Variants in ETV6 observed in about 807,000 individuals in gnomAD.
ETV6 encodes the protein transcription factor ETV6.
ETV6 carries 16 observed loss-of-function variants against 51.1 expected under a neutral mutation model. That is an observed-to-expected ratio of 0.31 (90% confidence interval 0.21 to 0.48). The LOEUF is 0.48. ETV6 is among the 20% of genes least tolerant of loss of function. The pLI is 0.99. For missense variants in ETV6, 458 were observed against 594.8 expected (o/e 0.77, Z 2.39); for synonymous variants, 240 against 224.1 (o/e 1.07, Z -0.64).
At chr12:11,725,412 CT>C (rs1555119204) in intron 1 of ETV6, among the ~76,000 whole-genome samples, 2 of 152,106 alleles carry the variant, frequency 1.3e-5, no homozygotes, top group Non-Finnish European at 2.9e-5. Context: ...TTGGAGTTCC[CT>C]TTTTAACCTG....
chr12:11,780,871 G>A (rs1160008805), intron 2 of ETV6, among the ~76,000 whole-genome samples: 1 of 152,212 alleles, frequency 6.6e-6, no homozygotes, highest in Non-Finnish European at 1.5e-5. Context: ...GTTTCATCTT[G>A]TTCTTACGTC....
chr12:11,883,675 C>A (rs1162243787), intron 5 of ETV6, among the ~76,000 whole-genome samples: 2 of 152,184 alleles, frequency 1.3e-5, no homozygotes, highest in Admixed American at 1.3e-4. Flanking sequence ...AATCACCTAA[C>A]ACTTAATAAA....
At chr12:11,735,198 C>T (rs1033610410) in intron 1 of ETV6, among the ~76,000 whole-genome samples, 1 of 151,644 alleles carries the variant, frequency 6.6e-6, no homozygotes. Context: ...CCACCCACCC[C>T]ACTATACGTG....
At chr12:11,789,722 T>A in intron 2 of ETV6, among the ~76,000 whole-genome samples, 1 of 152,228 alleles carries the variant, frequency 6.6e-6, no homozygotes, top group East Asian at 1.9e-4. Context: ...TGGGGTAATT[T>A]TCCCCCAGAA....
chr12:11,781,708 TA>T (rs1945416942), intron 2 of ETV6, among the ~76,000 whole-genome samples: 2 of 152,238 alleles, frequency 1.3e-5, no homozygotes, highest in South Asian at 4.1e-4. Flanking sequence ...GTGGATTTTT[TA>T]AACTTAAAAT....
intron 5 of ETV6, among the ~76,000 whole-genome samples, chr12:11,871,574 C>T (rs1345748543): frequency 6.6e-6 from 1 of 152,178 alleles, no homozygotes; most frequent in African/African-American, 2.4e-5. Flanking sequence ...CTCAGTTTCA[C>T]TGTTATAAAT....
chr12:11,733,806 A>G (rs959117512), intron 1 of ETV6, among the ~76,000 whole-genome samples: 2 of 152,210 alleles, frequency 1.3e-5, no homozygotes, highest in African/African-American at 4.8e-5. Context: ...TGAAGAGTTT[A>G]CTTGTAAATC....
At chr12:11,827,041 A>G (rs924788818) in intron 2 of ETV6, among the ~76,000 whole-genome samples, 1 of 151,470 alleles carries the variant, frequency 6.6e-6, no homozygotes, top group South Asian at 2.1e-4. Context: ...TAAGGGGATG[A>G]GATAGAATAG....
chr12:11,685,119 G>A (rs1864602883), intron 1 of ETV6, among the ~76,000 whole-genome samples: 1 of 152,146 alleles, frequency 6.6e-6, no homozygotes, highest in African/African-American at 2.4e-5. Flanking sequence ...AGCTTGATGG[G>A]CCTGCGGAGT....
At chr12:11,881,328 T>C (rs1451733151) in intron 5 of ETV6, among the ~76,000 whole-genome samples, 1 of 152,236 alleles carries the variant, frequency 6.6e-6, no homozygotes, top group Non-Finnish European at 1.5e-5. Flanking sequence ...TTAAAATGTG[T>C]CTGCCATTTG....
intron 1 of ETV6, among the ~76,000 whole-genome samples, chr12:11,694,097 T>C (rs374654311): frequency 6.6e-6 from 1 of 152,146 alleles, no homozygotes; most frequent in East Asian, 1.9e-4. Context: ...CATAACAGGG[T>C]ATTATATGTT....
At chr12:11,666,679 C>G (rs529707728) in intron 1 of ETV6, among the ~76,000 whole-genome samples, 2 of 152,344 alleles carry the variant, frequency 1.3e-5, no homozygotes, top group East Asian at 3.9e-4. Context: ...CATTGAGGTA[C>G]AGCTGGGATT....
chr12:11,812,358 C>A (rs1377145182), intron 2 of ETV6, among the ~76,000 whole-genome samples: 3 of 152,190 alleles, frequency 2.0e-5, no homozygotes, highest in Non-Finnish European at 2.9e-5. Context: ...TGCCAGTTTC[C>A]TCACAGGTTC....
intron 1 of ETV6, among the ~76,000 whole-genome samples, chr12:11,717,526 A>G (rs1004300628): frequency 6.6e-6 from 1 of 152,182 alleles, no homozygotes; most frequent in Non-Finnish European, 1.5e-5. Flanking sequence ...GCTATGGGGC[A>G]TGTATACATG....
intron 1 of ETV6, among the ~76,000 whole-genome samples, chr12:11,732,296 C>G (rs997849706): frequency 3.3e-5 from 5 of 152,090 alleles, no homozygotes; most frequent in Non-Finnish European, 7.4e-5. Context: ...AAAACGAAAA[C>G]AAGAACTGCT....
intron 1 of ETV6, among the ~76,000 whole-genome samples, chr12:11,735,205 C>T (rs764456299): frequency 7.6e-5 from 11 of 145,606 alleles, no homozygotes; most frequent in East Asian, 2.2e-4. Flanking sequence ...CCCCACTATA[C>T]GTGTCTGTAG....
At chr12:11,808,416 G>A in intron 2 of ETV6, among the ~76,000 whole-genome samples, 1 of 148,336 alleles carries the variant, frequency 6.7e-6, no homozygotes. Context: ...TCCAGCCACA[G>A]ATAGAAAATA....
chr12:11,810,352 C>T (rs1945895889), intron 2 of ETV6, among the ~76,000 whole-genome samples: 1 of 152,128 alleles, frequency 6.6e-6, no homozygotes, highest in African/African-American at 2.4e-5. Context: ...AAAAGCACTT[C>T]CTTATTTCAG....
intron 2 of ETV6, among the ~76,000 whole-genome samples, chr12:11,786,687 T>C (rs1357595173): frequency 6.6e-6 from 1 of 152,214 alleles, no homozygotes; most frequent in African/African-American, 2.4e-5. Flanking sequence ...ATGGAGAGTA[T>C]TGGGCCAGGT....
Sources: allele counts gnomAD v4.1 joint callset (sites outside exome capture counted in the v4.1 genomes callset), GRCh38; gene constraint gnomAD v4.1.1; transcripts MANE v1.5; gene names NCBI Gene and HGNC (gene_info 2026-07-23, HGNC 2026-07-21).